The following FAM227B variants were observed in gnomAD, a reference collection of about 807,000 sequenced individuals.
FAM227B encodes family with sequence similarity 227 member B.
FAM227B carries 88 observed loss-of-function variants against 73.8 expected under a neutral mutation model. The observed-to-expected ratio is 1.19, with a 90% CI of 1.00 to 1.42. The LOEUF is 1.42. Among genes scored for constraint, FAM227B ranks in the 40% most tolerant of loss-of-function variants. The probability of loss-of-function intolerance (pLI) is 0.00; values close to 1 mark genes in which losing one functional copy is unlikely to be tolerated. For missense variants in FAM227B, 632 were observed against 590.9 expected (o/e 1.07, Z -0.72); for synonymous variants, 210 against 190.5 (o/e 1.10, Z -0.84).
chr15:49,572,622 AACCC>A (rs1341729444), intron 8 of FAM227B, among the ~76,000 whole-genome samples: 1 of 152,176 alleles, frequency 6.6e-6, no homozygotes, highest in African/African-American at 2.4e-5. Flanking sequence ...CATACCAAAC[AACCC>A]ACAATTCCTT....
chr15:49,480,649 T>C (rs546726025), intron 11 of FAM227B, among the ~76,000 whole-genome samples: 1 of 151,822 alleles, frequency 6.6e-6, no homozygotes, highest in Non-Finnish European at 1.5e-5. Flanking sequence ...ACCCGGATAA[T>C]TTTTTGTATT....
chr15:49,331,702 T>A, intron 15 of FAM227B, 78 bp downstream of exon 15: 1 of 901,620 alleles, frequency 1.1e-6, no homozygotes, highest in Non-Finnish European at 1.8e-6. Flanking sequence ...CACCATACAT[T>A]GCTTATGAAA....
chr15:49,335,318 C>A, intron 14 of FAM227B, 101 bp downstream of exon 14: 1 of 719,882 alleles, frequency 1.4e-6, no homozygotes. Flanking sequence ...AGACATGACT[C>A]TCCTCATCAT....
intron 11 of FAM227B, among the ~76,000 whole-genome samples, chr15:49,505,982 C>G (rs1025168637): frequency 6.6e-6 from 1 of 151,618 alleles, no homozygotes; most frequent in African/African-American, 2.4e-5. Flanking sequence ...ACTGAAGTGT[C>G]TATATTAAGA....
intron 11 of FAM227B, among the ~76,000 whole-genome samples, chr15:49,467,003 G>A (rs1268849184): frequency 6.6e-6 from 1 of 152,114 alleles, no homozygotes; most frequent in African/African-American, 2.4e-5. Context: ...CCATGCTGAT[G>A]ACCAGCATGA....
intron 11 of FAM227B, among the ~76,000 whole-genome samples, chr15:49,491,794 T>C (rs79984033): frequency 0.026 from 3,968 of 151,908 alleles, 188 homozygotes; most frequent in African/African-American, 0.092. Flanking sequence ...AACAAGCATA[T>C]ATTGACAATT....
chr15:49,502,443 G>A (rs2058220727), intron 11 of FAM227B, among the ~76,000 whole-genome samples: 1 of 152,244 alleles, frequency 6.6e-6, no homozygotes, highest in Admixed American at 6.5e-5. Context: ...TTATTTTGGA[G>A]CTTTAAGATT....
Position 49,575,056 on chromosome 15 carries a change from A to G in FAM227B, c.600T>C (p.Ala200=). 6.2e-7 allele frequency: 1 copy of G among 1,602,734 alleles called. No homozygotes were observed. Among genetic ancestry groups the G allele is most frequent in the Non-Finnish European group, 8.5e-7 (1 of 1,173,916 alleles). The change falls in exon 8 of 16, where the codon GCT becomes GCC. Residue 200 remains alanine (A), a synonymous_variant. Coordinates refer to ENST00000299338, the MANE Select transcript of FAM227B (RefSeq NM_152647.3). The part of the protein sequence containing the change: ...KTHFLSEASI[A]LLHDSFWWWF... Reference sequence around the variant, plus strand: ...ACCACCAAAAGGAGTCATGCAAAAGAGCAATGGAGGCTTCTGAGAGAAAAT... The same window carrying G: ...ACCACCAAAAGGAGTCATGCAAAAGGGCAATGGAGGCTTCTGAGAGAAAAT...
At chr15:49,534,104 T>G (rs1430480018) in intron 10 of FAM227B, among the ~76,000 whole-genome samples, 1 of 151,880 alleles carries the variant, frequency 6.6e-6, no homozygotes, top group Non-Finnish European at 1.5e-5. Flanking sequence ...ACAGTCTATT[T>G]TGATAGCATA....
Position 49,526,271 on chromosome 15 carries a change from G to A in FAM227B, c.874+15409C>T, listed in dbSNP as rs539086888. Among the ~76,000 whole-genome samples, 3 of 152,070 alleles carry A rather than the reference G, an allele frequency of 2.0e-5. No individual in the cohort carries two copies. The South Asian group carries it at 6.2e-4, about 32-fold the overall frequency. ...GAACTCTCAAAGTTACACAAGTACA[G>A]GGAAACGAAACAACTTGCTCCTGAA... On this transcript the variant is annotated intron_variant, in intron 10 of 15. Coordinates refer to ENST00000299338, the MANE Select transcript of FAM227B (RefSeq NM_152647.3).
chr15:49,563,209 G>C (rs1466233925), intron 9 of FAM227B, among the ~76,000 whole-genome samples: 1 of 152,026 alleles, frequency 6.6e-6, no homozygotes, highest in African/African-American at 2.4e-5. Context: ...TAATGTTAAA[G>C]CTGAGAGCCA....
rs796400266 is a variant in FAM227B, at chr15:49,568,247, G to A, written c.745C>T (p.Gln249Ter). 8.1e-6 allele frequency: 13 copies of A among 1,602,060 alleles called. No individual in the cohort carries two copies. In the Admixed American group the frequency reaches 2.2e-4, roughly 28 times the overall value. Residue 249 changes from glutamine (Q) to a stop codon, truncating the protein, a stop_gained and splice_region_variant, in exon 9 of 16, where the codon CAG (glutamine) becomes TAG (stop). Transcript: ENST00000299338. LOFTEE classifies it high-confidence loss of function. ...TAACTGTTAATTTCAATGCTTACCT[G>A]AAAAAATGCATCCTTTCGACTTAGA... ...IPLSRKDAFF[Q>*]IYPDCLAQAI...
intron 9 of FAM227B, among the ~76,000 whole-genome samples, chr15:49,557,744 C>A (rs1463836598): frequency 6.6e-6 from 1 of 152,166 alleles, no homozygotes; most frequent in Non-Finnish European, 1.5e-5. Context: ...CCTTTGCAAT[C>A]CCGGACATGA....
At chr15:49,366,548 T>TTA (rs1348337045) in intron 13 of FAM227B, 1 of 1,578,714 alleles carries the variant, frequency 6.3e-7, no homozygotes, top group Non-Finnish European at 8.7e-7. Context: ...CCAATGGGGG[T>TTA]TATAAAGCAT....
At position 49,327,829 on chromosome 15, in the gene FAM227B, A is replaced by T; in HGVS notation, c.*739T>A. 1.2e-6 allele frequency: 1 copy of T among 835,182 alleles called. No homozygotes were observed. Among genetic ancestry groups the T allele is most frequent in the African/African-American group, 1.7e-5 (1 of 58,572 alleles). The allele number at this position is 835,182 out of a possible 1,614,324, so 51.7% of individuals were successfully genotyped here. A position where few individuals can be genotyped will look rare whatever the true frequency, so the allele number is the denominator to read the frequency against. On this transcript the variant is annotated 3_prime_UTR_variant, in exon 16 of 16. Transcript: ENST00000299338. The stretch of plus-strand genomic sequence containing the variant: ...TTAATGTCCTAAAATGTTTGATGAC[A>T]CCTAAAAACCCCGCATGTATTTTCT...
chr15:49,555,468 A>G lies in FAM227B; in HGVS notation c.747+12777T>C, dbSNP rs572267473. ...TTGTAGGTGACTGCCTCTTCTCTCT[A>G]GCTGCCATTAATGTTTTTCTTTCAT... On this transcript the variant is annotated intron_variant, in intron 9 of 15. Coordinates refer to ENST00000299338, the MANE Select transcript of FAM227B (RefSeq NM_152647.3). Among the ~76,000 whole-genome samples, 3 of 152,266 alleles carry G rather than the reference A, an allele frequency of 2.0e-5. No individual in the cohort carries two copies. The East Asian group carries it at 5.8e-4, about 29-fold the overall frequency.
intron 13 of FAM227B, among the ~76,000 whole-genome samples, chr15:49,360,855 A>G (rs1054665281): frequency 1.3e-5 from 2 of 152,212 alleles, no homozygotes; most frequent in African/African-American, 4.8e-5. Flanking sequence ...CAGAAGACAT[A>G]AGCACTCCTG....
In FAM227B at chr15:49,575,027, AACC is replaced by A; in HGVS notation, c.626_628del (p.Trp209del). 1.3e-6 allele frequency: 2 copies of A among 1,585,450 alleles called. No individual in the cohort carries two copies. The highest frequency in any genetic ancestry group is 1.7e-6 in the Non-Finnish European group (2 of 1,164,472). ...TCACTATACCCTAAATTTATGGAGA[AACC>A]ACCACCAAAAGGAGTCATGCAAAAG... is the stretch of plus-strand genomic sequence containing the variant. On this transcript the variant is annotated inframe_deletion, in exon 8 of 16. Coordinates refer to ENST00000299338, the MANE Select transcript of FAM227B (RefSeq NM_152647.3).
chr15:49,608,547 T>G (rs1289423093), intron 3 of FAM227B, among the ~76,000 whole-genome samples: 1 of 152,092 alleles, frequency 6.6e-6, no homozygotes, highest in Non-Finnish European at 1.5e-5. Flanking sequence ...GTGACTATTA[T>G]TTAGCTCTTT....
Sources: gnomAD v4.1 joint callset for allele counts (sites outside exome capture counted in the v4.1 genomes callset) on GRCh38, gnomAD v4.1.1 for gene constraint, MANE v1.5 for transcripts, NCBI Gene and HGNC (gene_info 2026-07-23, HGNC 2026-07-21) for gene names.